ARHGAP19: variants seen among roughly 807,000 people sequenced by gnomAD.
ARHGAP19 encodes rho GTPase-activating protein 19.
ARHGAP19 carries 48 observed loss-of-function variants against 60.9 expected under a neutral mutation model. The ratio of observed to expected loss-of-function variants is 0.79; its 90% CI spans 0.62 to 1.00. The LOEUF (loss-of-function observed/expected upper bound fraction) is 1.00, where lower values mean the gene tolerates loss of function less well. Ranked by LOEUF, ARHGAP19 falls within the 50% of genes least tolerant of loss-of-function variation. The pLI is 0.00. For missense variants in ARHGAP19, 562 were observed against 597.2 expected, an observed-to-expected ratio of 0.94 and a Z score of 0.61; for synonymous variants, 209 against 215.5, an observed-to-expected ratio of 0.97 and a Z score of 0.27.
rs1843188749 is a variant in ARHGAP19, at chr10:97,288,756, A to G, written c.56+3816T>C. Among the ~76,000 whole-genome samples the G allele has an allele frequency of 2.0e-5, 3 of 151,790 alleles. No individual in the cohort carries two copies. The South Asian group carries it at 6.2e-4, about 31-fold the overall frequency. On this transcript the variant is annotated intron_variant, in intron 1 of 11. Transcript: ENST00000358531. ...AAAGCACTGGGAATATGTGATAAAT[A>G]CATATGTGTATCCCGCCCTCAAAAT...
chr10:97,249,311 T>C (rs1420370263), intron 6 of ARHGAP19, among the ~76,000 whole-genome samples: 1 of 152,238 alleles, frequency 6.6e-6, no homozygotes, highest in Non-Finnish European at 1.5e-5. Flanking sequence ...AATTTACCTT[T>C]GTAACTGAAA....
At chr10:97,288,049 C>T (rs1174855256) in intron 1 of ARHGAP19, among the ~76,000 whole-genome samples, 2 of 151,548 alleles carry the variant, frequency 1.3e-5, no homozygotes, top group African/African-American at 4.8e-5. Context: ...GCAACAAGAG[C>T]GAAACTCTGT....
At chr10:97,239,553 T>TGC (rs1811140323) in intron 8 of ARHGAP19, among the ~76,000 whole-genome samples, 3 of 10,276 alleles carry the variant, frequency 2.9e-4, no homozygotes, top group African/African-American at 4.0e-4. Context: ...AGAGAGAGGG[T>TGC]GTGTGTGTGT....
chr10:97,266,259 A>G, intron 1 of ARHGAP19, 134 bp from the exon 2 acceptor site: 1 of 999,584 alleles, frequency 1.0e-6, no homozygotes, highest in East Asian at 2.6e-5. Context: ...TAACTGAGCC[A>G]GATGCCCTTG....
chr10:97,239,628 T>C (rs1842446105), intron 8 of ARHGAP19, among the ~76,000 whole-genome samples: 1 of 146,492 alleles, frequency 6.8e-6, no homozygotes, highest in African/African-American at 2.6e-5. Context: ...GCACCCTGGA[T>C]TGGATCCTGG....
rs764238615 is a variant in ARHGAP19 at position 97,244,140 on chromosome 10, G to T, written c.1013C>A (p.Ala338Asp). 3 of 1,611,196 alleles carry T rather than the reference G, an allele frequency of 1.9e-6. No individual in the cohort carries two copies. The highest frequency in any genetic ancestry group is 2.5e-6 in the Non-Finnish European group (3 of 1,179,166). The stretch of plus-strand genomic sequence containing the variant: ...CTGAAAGGACTTAGTATGACATGAA[G>T]CTATGAGGTCAAGGTCATCCTAAGG... ...QASKDDLDLI[A>D]SCHTKSFQLA... The change falls in exon 8 of 12, where the codon GCT (alanine) becomes GAT (aspartate). Residue 338 changes from alanine (A) to aspartate (D), a missense_variant. Coordinates refer to ENST00000358531, the MANE Select transcript of ARHGAP19 (RefSeq NM_032900.6).
intron 7 of ARHGAP19, among the ~76,000 whole-genome samples, chr10:97,244,726 T>C (rs1035338190): frequency 1.3e-4 from 20 of 152,170 alleles, no homozygotes; most frequent in Admixed American, 2.0e-4. Context: ...AATACTGTTT[T>C]CCTGGTAACA....
chr10:97,229,002 A>T (rs1468069), intron 11 of ARHGAP19, 145 bp downstream of exon 11: 2 of 775,300 alleles, frequency 2.6e-6, no homozygotes, highest in Admixed American at 2.0e-5. Context: ...CTGGTGAATG[A>T]ACTCAAGGGC....
chr10:97,230,529 C>T (rs1410741057), intron 9 of ARHGAP19, among the ~76,000 whole-genome samples: 1 of 152,168 alleles, frequency 6.6e-6, no homozygotes, highest in Non-Finnish European at 1.5e-5. Context: ...AGTGACAATT[C>T]TACCATCTTT....
intron 1 of ARHGAP19, among the ~76,000 whole-genome samples, chr10:97,271,612 T>A (rs944965625): frequency 6.6e-6 from 1 of 152,008 alleles, no homozygotes; most frequent in Non-Finnish European, 1.5e-5. Context: ...TTAAAAATAG[T>A]ATCTTTCCCT....
At chr10:97,255,747 A>T (rs1003324279) in intron 6 of ARHGAP19, among the ~76,000 whole-genome samples, 16 of 152,160 alleles carry the variant, frequency 1.1e-4, no homozygotes, top group African/African-American at 3.9e-4. Flanking sequence ...TACCTCACAG[A>T]TCCTCTCAAT....
At chr10:97,237,324 G>C (rs544042746) in intron 8 of ARHGAP19, among the ~76,000 whole-genome samples, 1 of 150,194 alleles carries the variant, frequency 6.7e-6, no homozygotes, top group South Asian at 2.1e-4. Flanking sequence ...CACAAATAAG[G>C]TTCAGATAAA....
intron 1 of ARHGAP19, among the ~76,000 whole-genome samples, chr10:97,287,953 T>C (rs943584285): frequency 6.6e-6 from 1 of 152,070 alleles, no homozygotes. Flanking sequence ...TCCCAGCTAC[T>C]CGGGATGCTG....
chr10:97,281,833 G>A (rs1843089585), intron 1 of ARHGAP19, among the ~76,000 whole-genome samples: 1 of 152,194 alleles, frequency 6.6e-6, no homozygotes. Flanking sequence ...TTAAAGACGT[G>A]TAGGAGTTAG....
At chr10:97,276,413 T>C (rs1201627170) in intron 1 of ARHGAP19, among the ~76,000 whole-genome samples, 7 of 2,442 alleles carry the variant, frequency 2.9e-3, no homozygotes, top group African/African-American at 4.3e-3. Flanking sequence ...CCGCCCCGTC[T>C]GGGAGGTGAG....
At chr10:97,271,144 CTACAT>C (rs1842954957) in intron 1 of ARHGAP19, among the ~76,000 whole-genome samples, 1 of 152,030 alleles carries the variant, frequency 6.6e-6, no homozygotes, top group Non-Finnish European at 1.5e-5. Flanking sequence ...ATAAATTTAA[CTACAT>C]TAAATTTTTC....
intron 8 of ARHGAP19, among the ~76,000 whole-genome samples, chr10:97,243,628 C>T (rs1842520929): frequency 6.6e-6 from 1 of 152,176 alleles, no homozygotes; most frequent in African/African-American, 2.4e-5. Flanking sequence ...ACAAACAAAA[C>T]TGAAATTCAG....
At chr10:97,252,640 A>T (rs189260386) in intron 6 of ARHGAP19, among the ~76,000 whole-genome samples, 1 of 152,180 alleles carries the variant, frequency 6.6e-6, no homozygotes, top group East Asian at 1.9e-4. Context: ...TAAATAAATA[A>T]AAATAAAAAA....
At position 97,259,458 on chromosome 10, in the gene ARHGAP19, T is replaced by C. The variant is rs763785356; in HGVS notation, c.784A>G (p.Met262Val). Reference sequence around the variant, plus strand: ...ATAAGGGCAAGGTTATAGGCTGACATCTTGTTCTTGTCTTGTTTCTTTGCT... The same window carrying C: ...ATAAGGGCAAGGTTATAGGCTGACACCTTGTTCTTGTCTTGTTTCTTTGCT... ...QTAKKQDKNK[M>V]SAYNLALMFA... is the part of the protein sequence containing the mutation. Residue 262 changes from methionine to valine, a missense_variant, in exon 5 of 12, where the codon ATG (methionine) becomes GTG (valine). Transcript: ENST00000358531. The C allele has an allele frequency of 5.6e-6, 9 of 1,614,050 alleles. No homozygotes were observed. The highest frequency in any genetic ancestry group is 1.3e-5 in the African/African-American group (1 of 74,930).
Sources: allele counts gnomAD v4.1 joint callset (sites outside exome capture counted in the v4.1 genomes callset), GRCh38; gene constraint gnomAD v4.1.1; transcripts MANE v1.5; gene names NCBI Gene and HGNC (gene_info 2026-07-23, HGNC 2026-07-21).